Variants in FKBP5 observed in about 807,000 individuals in gnomAD.
FKBP5 encodes peptidyl-prolyl cis-trans isomerase FKBP5.
FKBP5 carries 23 observed loss-of-function variants against 50.5 expected under a neutral mutation model. The observed-to-expected ratio is 0.46, with a 90% CI of 0.33 to 0.65. FKBP5 has a LOEUF of 0.65. FKBP5 is among the 30% of genes least tolerant of loss of function. FKBP5 has a pLI of 0.02. For synonymous variants in FKBP5, 176 were observed against 190.6 expected (o/e 0.92, Z 0.63); for missense variants, 411 against 553.1 (o/e 0.74, Z 2.58).
chr6:35,689,511 G>A (rs1765940864), upstream of FKBP5, among the ~76,000 whole-genome samples: 1 of 152,066 alleles, frequency 6.6e-6, no homozygotes, highest in Admixed American at 6.5e-5. Flanking sequence ...TACCTTTCAA[G>A]CAGGAGATCC....
At chr6:35,597,038 C>G (rs955074012) in intron 6 of FKBP5, among the ~76,000 whole-genome samples, 1 of 152,166 alleles carries the variant, frequency 6.6e-6, no homozygotes, top group Non-Finnish European at 1.5e-5. Context: ...AAGACCTGTT[C>G]TGAACATATA....
chr6:35,654,169 G>A (rs191497362), intron 1 of FKBP5, among the ~76,000 whole-genome samples: 171 of 152,290 alleles, frequency 1.1e-3, no homozygotes, highest in African/African-American at 3.6e-3. Context: ...AACAACCACA[G>A]TTCCTTATTG....
intron 1 of FKBP5, among the ~76,000 whole-genome samples, chr6:35,643,357 T>C (rs1202818234): frequency 6.6e-6 from 1 of 152,184 alleles, no homozygotes; most frequent in Non-Finnish European, 1.5e-5. Flanking sequence ...ATCTGCAAAA[T>C]GGACACAGTA....
intron 1 of FKBP5, among the ~76,000 whole-genome samples, chr6:35,680,722 C>T (rs1411875939): frequency 2.0e-5 from 3 of 152,152 alleles, no homozygotes; most frequent in Non-Finnish European, 4.4e-5. Context: ...ATAGCACCAC[C>T]CAAAAACAAC....
intron 2 of FKBP5, among the ~76,000 whole-genome samples, chr6:35,715,720 GT>G (rs1417864949): frequency 6.6e-6 from 1 of 152,248 alleles, no homozygotes; most frequent in Non-Finnish European, 1.5e-5. Flanking sequence ...CCGGCTGGCT[GT>G]GCCATGCCAG....
At chr6:35,714,814 C>A (rs371644173) in intron 2 of FKBP5, among the ~76,000 whole-genome samples, 337 of 138,724 alleles carry the variant, frequency 2.4e-3, no homozygotes, top group Middle Eastern at 3.8e-3. Flanking sequence ...AACTCTGTCT[C>A]AAAAAAAAAA....
chr6:35,625,723 A>G (rs907436829), intron 3 of FKBP5, among the ~76,000 whole-genome samples: 26 of 147,870 alleles, frequency 1.8e-4, no homozygotes, highest in African/African-American at 4.7e-4. Context: ...GCGACAGAGC[A>G]AGACTCCGTC....
intron 3 of FKBP5, among the ~76,000 whole-genome samples, chr6:35,626,382 C>A (rs960093061): frequency 4.6e-5 from 7 of 151,934 alleles, no homozygotes; most frequent in African/African-American, 1.7e-4. Context: ...TTTTAAGATA[C>A]AACATTTTAA....
At chr6:35,714,303 T>C in intron 2 of FKBP5, among the ~76,000 whole-genome samples, 1 of 133,192 alleles carries the variant, frequency 7.5e-6, no homozygotes, top group Non-Finnish European at 1.6e-5. Context: ...AATACAAAAA[T>C]TAGCCGGGCG....
chr6:35,592,271 GGACTAGA>G (rs1169270159), intron 6 of FKBP5, among the ~76,000 whole-genome samples: 1 of 152,144 alleles, frequency 6.6e-6, no homozygotes, highest in Non-Finnish European at 1.5e-5. Flanking sequence ...TGGGGCAAAG[GGACTAGA>G]GTGGGAACAC....
chr6:35,623,099 A>G (rs1468065522), intron 3 of FKBP5, among the ~76,000 whole-genome samples: 2 of 151,772 alleles, frequency 1.3e-5, no homozygotes, highest in African/African-American at 4.8e-5. Context: ...AAAATTAGCC[A>G]GGCGTGGTGG....
intron 2 of FKBP5, among the ~76,000 whole-genome samples, chr6:35,713,140 G>T (rs1561906940): frequency 6.9e-6 from 1 of 145,258 alleles, no homozygotes; most frequent in Non-Finnish European, 1.5e-5. Context: ...CTTATAACAT[G>T]AAGCCAGTAT....
At chr6:35,615,155 T>TACAC (rs34301531) in intron 5 of FKBP5, among the ~76,000 whole-genome samples, 14,504 of 143,308 alleles carry the variant, frequency 0.1, 738 homozygotes, top group Non-Finnish European at 0.11. Flanking sequence ...CAACAACAAC[T>TACAC]ACACACACAC....
At chr6:35,705,742 C>T (rs751823698) in intron 2 of FKBP5, among the ~76,000 whole-genome samples, 3 of 152,212 alleles carry the variant, frequency 2.0e-5, no homozygotes, top group Non-Finnish European at 4.4e-5. Context: ...GTCCTTACCT[C>T]ATTTCTTACA....
At chr6:35,706,041 G>A (rs983518883) in intron 2 of FKBP5, among the ~76,000 whole-genome samples, 3 of 151,920 alleles carry the variant, frequency 2.0e-5, no homozygotes, top group Admixed American at 6.6e-5. Context: ...ACTGGGAGGC[G>A]GAGCTTGTAG....
At chr6:35,643,963 G>T (rs1764563082) in intron 1 of FKBP5, among the ~76,000 whole-genome samples, 1 of 152,154 alleles carries the variant, frequency 6.6e-6, no homozygotes, top group Non-Finnish European at 1.5e-5. Context: ...GAATTTGGGG[G>T]TGTTCTTCCT....
Position 35,586,294 on chromosome 6 carries a change from G to A in FKBP5, c.840+740C>T, listed in dbSNP as rs140664762. 6.2e-3 allele frequency: 6,075 copies of A among 985,100 alleles called. 20 individuals carry two copies. Among genetic ancestry groups the A allele is most frequent in the Middle Eastern group, 7.8e-3 (15 of 1,914 alleles). The allele number at this position is 985,100 out of a possible 1,614,324, so 61.0% of individuals were successfully genotyped here. A position where few individuals can be genotyped will look rare whatever the true frequency, so the allele number is the denominator to read the frequency against. On this transcript the variant is annotated intron_variant, in intron 8 of 10. Transcript: ENST00000357266. ...CCTAGTTGCTCCAAGAAGGGTTTCT[G>A]AGAAGCAATTTATGATGAATATCAT...
rs777043650 is a variant in FKBP5, at chr6:35,597,271, T to C, written c.642A>G (p.Gln214=). ...KALEKMQREE[Q]CILYLGPRYG... ...ACCTTGGTCCAAGATATAAAATACATTGTTCTTCCCGCTGCATTTTCTCCA... is the reference window on the plus strand; with the variant it reads ...ACCTTGGTCCAAGATATAAAATACACTGTTCTTCCCGCTGCATTTTCTCCA... The change falls in exon 6 of 11, where the codon CAA becomes CAG. Residue 214 remains glutamine (Q), a synonymous_variant. Coordinates refer to ENST00000357266, the MANE Select transcript of FKBP5 (RefSeq NM_004117.4). 8.7e-6 allele frequency: 14 copies of C among 1,613,918 alleles called. No homozygotes were observed. Among genetic ancestry groups the C allele is most frequent in the Non-Finnish European group, 1.1e-5 (13 of 1,179,974 alleles).
rs577774001 is a variant in FKBP5, at chr6:35,574,632, G to A, written c.*1203C>T. 2.0e-5 allele frequency: 3 copies of A among 152,704 alleles called. No homozygotes were observed. Among genetic ancestry groups the A allele is most frequent in the South Asian group, 2.1e-4 (1 of 4,824 alleles). The allele number at this position is 152,704 out of a possible 1,614,324, so 9.5% of individuals were successfully genotyped here. A position where few individuals can be genotyped will look rare whatever the true frequency, so the allele number is the denominator to read the frequency against. On this transcript the variant is annotated 3_prime_UTR_variant, in exon 11 of 11. Transcript: ENST00000357266. ...AGAAGCTTGACAGGGCAGGAAAAGC[G>A]AGCAACTGCGTGTCAAACCTGCAGG...
Sources: allele counts gnomAD v4.1 joint callset (sites outside exome capture counted in the v4.1 genomes callset), GRCh38; gene constraint gnomAD v4.1.1; transcripts MANE v1.5; gene names NCBI Gene and HGNC (gene_info 2026-07-23, HGNC 2026-07-21).